The following CSMD3 variants were observed in gnomAD, a reference collection of about 807,000 sequenced individuals.
CSMD3 encodes the protein CUB and sushi domain-containing protein 3.
Under a neutral mutation model 435.2 loss-of-function variants are expected in CSMD3, and 177 were observed. That is an observed-to-expected ratio of 0.41 (90% confidence interval 0.36 to 0.46). The LOEUF is 0.46. CSMD3 is among the 20% of genes least tolerant of loss of function. CSMD3 has a pLI of 0.34. For missense variants in CSMD3, 4,265 were observed against 4,504.6 expected (o/e 0.95, Z 1.52); for synonymous variants, 1,656 against 1,520.5 (o/e 1.09, Z -2.07).
chr8:113,144,045 T>C (rs1432950486), intron 4 of CSMD3, among the ~76,000 whole-genome samples: 1 of 151,058 alleles, frequency 6.6e-6, no homozygotes, highest in Non-Finnish European at 1.5e-5. Context: ...TAAAATGTGA[T>C]AATTATTTAG....
intron 6 of CSMD3, among the ~76,000 whole-genome samples, chr8:112,980,762 G>A (rs1248815644): frequency 6.6e-6 from 1 of 151,316 alleles, no homozygotes; most frequent in Non-Finnish European, 1.5e-5. Flanking sequence ...TAAAAATTTC[G>A]TTTTCATTAA....
intron 3 of CSMD3, among the ~76,000 whole-genome samples, chr8:113,237,375 T>A (rs1009626149): frequency 1.1e-4 from 16 of 152,306 alleles, no homozygotes; most frequent in Admixed American, 7.2e-4. Context: ...TTCACTGTAG[T>A]CAATCTACAT....
At chr8:112,417,955 A>G (rs7824071) in intron 32 of CSMD3, among the ~76,000 whole-genome samples, 43,869 of 152,004 alleles carry the variant, frequency 0.29, 7,317 homozygotes, top group African/African-American at 0.46. Flanking sequence ...AAATCTACAC[A>G]TTGTTTTGTA....
intron 13 of CSMD3, among the ~76,000 whole-genome samples, chr8:112,785,377 A>G (rs2078510712): frequency 6.6e-6 from 1 of 151,982 alleles, no homozygotes; most frequent in Non-Finnish European, 1.5e-5. Context: ...TTTCACCACT[A>G]TTATTCAACA....
intron 25 of CSMD3, among the ~76,000 whole-genome samples, chr8:112,553,810 T>C (rs181659530): frequency 1.3e-5 from 2 of 152,164 alleles, no homozygotes; most frequent in East Asian, 3.9e-4. Context: ...TGGCTCAAAT[T>C]TGTAGGCTGC....
chr8:112,705,786 T>TA (rs774535957), intron 13 of CSMD3, among the ~76,000 whole-genome samples: 6 of 152,078 alleles, frequency 3.9e-5, no homozygotes, highest in African/African-American at 1.4e-4. Flanking sequence ...ACACCTTTGC[T>TA]AAAAAATGTA....
intron 13 of CSMD3, among the ~76,000 whole-genome samples, chr8:112,765,854 C>T (rs1587225041): frequency 6.6e-6 from 1 of 151,816 alleles, no homozygotes; most frequent in South Asian, 2.1e-4. Flanking sequence ...AGGAATATTG[C>T]ATGCTTCACC....
intron 27 of CSMD3, 58 bp downstream of exon 27, chr8:112,550,613 A>G (rs949486401): frequency 3.0e-5 from 27 of 896,166 alleles, no homozygotes; most frequent in African/African-American, 6.6e-5. Context: ...TAAAGTTAAC[A>G]TGACTATTTA....
At chr8:112,225,118 T>C (rs1201732935) in intron 70 of CSMD3, among the ~76,000 whole-genome samples, 188 bp from the exon 71 acceptor site, 1 of 152,188 alleles carries the variant, frequency 6.6e-6, no homozygotes. Flanking sequence ...CTTTTAATTT[T>C]ACATATATTA....
chr8:113,266,012 C>T (rs1387632820), intron 3 of CSMD3, among the ~76,000 whole-genome samples: 1 of 151,176 alleles, frequency 6.6e-6, no homozygotes, highest in Admixed American at 6.6e-5. Context: ...TTATTCCTAG[C>T]AAACTGTTTA....
At chr8:113,039,869 T>G (rs1043658649) in intron 5 of CSMD3, among the ~76,000 whole-genome samples, 1 of 152,194 alleles carries the variant, frequency 6.6e-6, no homozygotes, top group Non-Finnish European at 1.5e-5. Flanking sequence ...AAGAATTATT[T>G]TTTCACTCAA....
chr8:113,185,151 A>C lies in CSMD3; in HGVS notation c.515-11235T>G, dbSNP rs2092480362. On this transcript the variant is annotated intron_variant, in intron 3 of 70. Transcript: ENST00000297405. Reference sequence around the variant, plus strand: ...ATTCACTGTTAACTCAAATTTTGCCAGATTGTAAAGGCACAACCCACCCCC... The same window carrying C: ...ATTCACTGTTAACTCAAATTTTGCCCGATTGTAAAGGCACAACCCACCCCC... Among the ~76,000 whole-genome samples the C allele has an allele frequency of 2.0e-5, 3 of 152,064 alleles. No homozygotes were observed. In the South Asian group the frequency reaches 6.2e-4, roughly 31 times the overall value.
intron 31 of CSMD3, among the ~76,000 whole-genome samples, chr8:112,486,446 T>C (rs1384844868): frequency 6.6e-6 from 1 of 152,086 alleles, no homozygotes; most frequent in Non-Finnish European, 1.5e-5. Flanking sequence ...AGTCTCTACT[T>C]CATGGCATTA....
intron 32 of CSMD3, among the ~76,000 whole-genome samples, chr8:112,439,194 G>A (rs1814707403): frequency 6.6e-6 from 1 of 152,156 alleles, no homozygotes; most frequent in Admixed American, 6.5e-5. Context: ...AGGCTAGAGT[G>A]CAGTGGCACG....
At chr8:113,222,419 T>A (rs2092978779) in intron 3 of CSMD3, among the ~76,000 whole-genome samples, 1 of 150,966 alleles carries the variant, frequency 6.6e-6, no homozygotes, top group African/African-American at 2.4e-5. Context: ...GCAATAATCA[T>A]GAAATATAAT....
intron 4 of CSMD3, among the ~76,000 whole-genome samples, chr8:113,169,938 C>G (rs554009419): frequency 3.3e-5 from 5 of 152,226 alleles, no homozygotes; most frequent in African/African-American, 1.2e-4. Flanking sequence ...CAAATACTAC[C>G]AGATGGTGTT....
intron 12 of CSMD3, among the ~76,000 whole-genome samples, chr8:112,801,566 T>G (rs879614053): frequency 1.5e-4 from 23 of 152,092 alleles, no homozygotes; most frequent in Admixed American, 6.6e-4. Flanking sequence ...CAAAAACCAT[T>G]TTAAATTACC....
chr8:112,877,325 G>A (rs887505543), intron 10 of CSMD3, among the ~76,000 whole-genome samples: 1 of 151,818 alleles, frequency 6.6e-6, no homozygotes, highest in Non-Finnish European at 1.5e-5. Flanking sequence ...GAGTGCAATG[G>A]TGTGATATCG....
At chr8:112,310,885 C>T in intron 50 of CSMD3, 93 bp downstream of exon 50, 4 of 1,024,878 alleles carry the variant, frequency 3.9e-6, no homozygotes, top group Non-Finnish European at 6.1e-6. Context: ...CGAATATTTC[C>T]ATTCTCAGAA....
Sources: gnomAD v4.1 joint callset for allele counts (sites outside exome capture counted in the v4.1 genomes callset) on GRCh38, gnomAD v4.1.1 for gene constraint, MANE v1.5 for transcripts, NCBI Gene and HGNC (gene_info 2026-07-23, HGNC 2026-07-21) for gene names.